Variants in EIF2A observed in about 807,000 individuals in gnomAD.
EIF2A encodes the protein eukaryotic translation initiation factor 2A, also known as 65 kDa eukaryotic translation initiation factor 2A.
A neutral mutation model predicts 75.2 loss-of-function variants in EIF2A; 62 were observed. The observed-to-expected ratio is 0.82, with a 90% CI of 0.67 to 1.02. The LOEUF is 1.02. EIF2A is among the 50% of genes least tolerant of loss of function. EIF2A has a pLI of 0.00. For missense variants in EIF2A, 611 were observed against 677.7 expected, an observed-to-expected ratio of 0.90 and a Z score of 1.09; for synonymous variants, 207 against 239.0, an observed-to-expected ratio of 0.87 and a Z score of 1.23.
rs777439208 is a variant in EIF2A, at chr3:150,558,430, T to C, written c.141T>C (p.Asp47=). The C allele has an allele frequency of 6.6e-7, 1 of 1,523,248 alleles. No individual in the cohort carries two copies. The highest frequency in any genetic ancestry group is 8.7e-7 in the Non-Finnish European group (1 of 1,144,404). 94.4% of individuals were successfully genotyped at this position (1,523,248 alleles called of 1,614,324 possible). ...KNCKVCIFSK[D]GTLFAWGNGE... is the part of the protein sequence containing the mutation. ...GCAAAGTCTGTATCTTTAGTAAGGA[T>C]GGGACCTTGTTTGCCTGGGGCAATG... The change falls in exon 3 of 14, where the codon GAT becomes GAC. Residue 47 remains aspartate (D), a synonymous_variant. Transcript: ENST00000460851.
chr3:150,568,109 A>G (rs1243080467), intron 8 of EIF2A, 63 bp downstream of exon 8: 6 of 1,600,348 alleles, frequency 3.7e-6, no homozygotes, highest in African/African-American at 1.3e-5. Flanking sequence ...CTATATTCCT[A>G]TGTGTATAAC....
At chr3:150,569,824 AAAGT>A (rs1448810034) in intron 9 of EIF2A, among the ~76,000 whole-genome samples, 2 of 152,184 alleles carry the variant, frequency 1.3e-5, no homozygotes, top group East Asian at 1.9e-4. Flanking sequence ...AAAAAAAAAA[AAAGT>A]AAGCCAATTG....
chr3:150,558,374 T>TC lies in EIF2A; in HGVS notation c.99-14_99-13insC. On this transcript the variant is annotated splice_polypyrimidine_tract_variant and intron_variant, in intron 2 of 13. Coordinates refer to ENST00000460851, the MANE Select transcript of EIF2A (RefSeq NM_032025.5). ...TGCTTATTCATTTAAACCTTTTTTT[T>TC]TTGTCATTTTCAGGGAATCTGGGAA... 1 of 1,501,112 alleles carries TC rather than the reference T, an allele frequency of 6.7e-7. No individual in the cohort carries two copies. The allele number at this position is 1,501,112 out of a possible 1,614,324, so 93.0% of individuals were successfully genotyped here. A position where few individuals can be genotyped will look rare whatever the true frequency, so the allele number is the denominator to read the frequency against.
rs201364153 is a variant in EIF2A, at chr3:150,570,575, AAAG to A, written c.812-1374_812-1372del. Reference sequence around the variant, plus strand: ...AATGAGACCATCTCTTTAAAAAAAAAAAGAAGAAGAAAAAAAATCAGCCCATAG... The same window carrying A: ...AATGAGACCATCTCTTTAAAAAAAAAAAGAAGAAAAAAAATCAGCCCATAG... On this transcript the variant is annotated intron_variant, in intron 9 of 13. Coordinates refer to ENST00000460851, the MANE Select transcript of EIF2A (RefSeq NM_032025.5). 1.6e-3 allele frequency among the ~76,000 whole-genome samples: 236 copies of A among 152,050 alleles called. 4 individuals are homozygous for A. The East Asian group carries it at 0.03, about 19-fold the overall frequency.
intron 11 of EIF2A, 124 bp from the exon 12 acceptor site, chr3:150,581,494 T>G: frequency 8.3e-7 from 1 of 1,198,232 alleles, no homozygotes; most frequent in Non-Finnish European, 1.1e-6. Context: ...TTCAGATTCT[T>G]TATATAAAAT....
intron 2 of EIF2A, among the ~76,000 whole-genome samples, chr3:150,557,841 C>G (rs1225382471): frequency 6.6e-6 from 1 of 152,184 alleles, no homozygotes; most frequent in African/African-American, 2.4e-5. Context: ...AGTCAGTTCT[C>G]AATGCTTTTG....
At chr3:150,559,201 T>C (rs1364095842) in intron 3 of EIF2A, among the ~76,000 whole-genome samples, 3 of 152,340 alleles carry the variant, frequency 2.0e-5, no homozygotes, top group South Asian at 4.1e-4. Flanking sequence ...TTCTTTACAA[T>C]GGTAATGTAT....
intron 3 of EIF2A, among the ~76,000 whole-genome samples, chr3:150,560,285 T>C (rs1457336931): frequency 6.6e-6 from 1 of 152,200 alleles, no homozygotes; most frequent in Non-Finnish European, 1.5e-5. Flanking sequence ...CAATGGTACT[T>C]ATTGTTCTGG....
rs1428735400 is a variant in EIF2A, at chr3:150,581,723, A to C, written c.1603A>C (p.Lys535Gln). ...QSISGDPEIDKKIKNLKKKLK... is the reference protein window; with the variant it reads ...QSISGDPEIDQKIKNLKKKLK... ...AATTTCTGGGGACCCTGAGATAGAC[A>C]AAAAAATCAAGAACCTAAAGAAGGT... is the stretch of plus-strand genomic sequence containing the variant. The change falls in exon 12 of 14, where the codon AAA becomes CAA. Residue 535 changes from lysine to glutamine, a missense_variant. Transcript: ENST00000460851. The C allele has an allele frequency of 1.9e-6, 3 of 1,557,642 alleles. No individual in the cohort carries two copies. The highest frequency in any genetic ancestry group is 4.8e-5 in the East Asian group (2 of 41,608).
chr3:150,564,108 C>T (rs1235862933), intron 5 of EIF2A, among the ~76,000 whole-genome samples, 191 bp from the exon 6 acceptor site: 1 of 152,114 alleles, frequency 6.6e-6, no homozygotes, highest in Non-Finnish European at 1.5e-5. Context: ...TGTGAGCCAC[C>T]GCACCTGGCC....
chr3:150,577,359 T>C (rs1724934410), intron 11 of EIF2A, among the ~76,000 whole-genome samples: 1 of 152,068 alleles, frequency 6.6e-6, no homozygotes, highest in African/African-American at 2.4e-5. Context: ...TTTGTTTCTT[T>C]TGAGACACTC....
intron 2 of EIF2A, among the ~76,000 whole-genome samples, chr3:150,554,507 C>G (rs1324516203): frequency 1.3e-5 from 2 of 152,218 alleles, no homozygotes; most frequent in Non-Finnish European, 2.9e-5. Context: ...TCAGAATCAT[C>G]TGAAAAGCTC....
At position 150,565,245 on chromosome 3, in the gene EIF2A, A is replaced by G. The variant is rs114577410; in HGVS notation, c.475+864A>G. 5.6e-3 allele frequency: 2,536 copies of G among 456,070 alleles called. 53 individuals are homozygous for G. The highest frequency in any genetic ancestry group is 0.047 in the African/African-American group (2,367 of 50,144). 28.3% of individuals were successfully genotyped at this position (456,070 alleles called of 1,614,324 possible). On this transcript the variant is annotated intron_variant, in intron 6 of 13. Transcript: ENST00000460851. ...TTTTTAGGTGAGTAAGGGTAAGACT[A>G]CATTATAAGGTGATGTTCACTTCTT...
intron 1 of EIF2A, chr3:150,547,304 G>A (rs1431616653): frequency 1.7e-5 from 3 of 173,954 alleles, no homozygotes; most frequent in African/African-American, 7.1e-5. Flanking sequence ...GGACTGAATA[G>A]GGAGAGTGGA....
At chr3:150,550,267 A>G (rs556962546) in intron 1 of EIF2A, among the ~76,000 whole-genome samples, 26 of 152,244 alleles carry the variant, frequency 1.7e-4, no homozygotes, top group Non-Finnish European at 3.4e-4. Flanking sequence ...TATTAAGCTA[A>G]CTACGCATTG....
chr3:150,580,095 T>C (rs1035220092), intron 11 of EIF2A, among the ~76,000 whole-genome samples: 3 of 151,942 alleles, frequency 2.0e-5, no homozygotes, highest in Non-Finnish European at 4.4e-5. Flanking sequence ...TGGGGAATGG[T>C]AGAATATGGT....
intron 2 of EIF2A, among the ~76,000 whole-genome samples, chr3:150,555,741 CA>C (rs879445614): frequency 6.9e-6 from 1 of 145,984 alleles, no homozygotes; most frequent in Non-Finnish European, 1.5e-5. Context: ...AAACAAAAAA[CA>C]AAAAAAAAAC....
rs747292168 is a variant in EIF2A, at chr3:150,564,336, C to T, written c.430C>T (p.Arg144Cys). Reference sequence around the variant, plus strand: ...GTCAGAAGATGAAACTCTTTGTGCCCGCAATGTTAACAATGAAGTTCACTT... The same window carrying T: ...GTCAGAAGATGAAACTCTTTGTGCCTGCAATGTTAACAATGAAGTTCACTT... ...SWSEDETLCA[R>C]NVNNEVHFFE... Residue 144 changes from arginine to cysteine, a missense_variant, in exon 6 of 14, where the codon CGC becomes TGC. Physicochemically the swap from Arg to Cys is radical, Grantham distance 180. Coordinates refer to ENST00000460851, the MANE Select transcript of EIF2A (RefSeq NM_032025.5). The T allele has an allele frequency of 1.6e-5, 26 of 1,597,664 alleles. No homozygotes were observed. The highest frequency in any genetic ancestry group is 6.9e-5 in the South Asian group (6 of 87,560).
Position 150,571,943 on chromosome 3 carries a change from A to C in EIF2A, c.812-15A>C. The C allele has an allele frequency of 6.3e-6, 10 of 1,589,198 alleles. No individual in the cohort carries two copies. Among genetic ancestry groups the C allele is most frequent in the Non-Finnish European group, 8.6e-6 (10 of 1,169,210 alleles). ...GTTCTTTATTGCTAATTTGGGCTTT[A>C]TATTCTTTTTCTAGCAAAAAATGGC... On this transcript the variant is annotated splice_polypyrimidine_tract_variant and intron_variant, in intron 9 of 13. Coordinates refer to ENST00000460851, the MANE Select transcript of EIF2A (RefSeq NM_032025.5).
Sources: gnomAD v4.1 joint callset for allele counts (sites outside exome capture counted in the v4.1 genomes callset) on GRCh38, gnomAD v4.1.1 for gene constraint, MANE v1.5 for transcripts, NCBI Gene and HGNC (gene_info 2026-07-23, HGNC 2026-07-21) for gene names.